The following CDKAL1 variants were observed in gnomAD, a reference collection of about 807,000 sequenced individuals.
CDKAL1 encodes the protein CDKAL1 threonylcarbamoyladenosine tRNA methylthiotransferase, also known as threonylcarbamoyladenosine tRNA methylthiotransferase.
In CDKAL1, 32 loss-of-function variants were observed where a neutral mutation model predicts 68.2. That is an observed-to-expected ratio of 0.47 (90% confidence interval 0.35 to 0.63). The LOEUF is 0.63. CDKAL1 is among the 30% of genes least tolerant of loss of function. CDKAL1 has a pLI of 0.00. For missense variants in CDKAL1, 606 were observed against 696.7 expected (o/e 0.87, Z 1.47); for synonymous variants, 234 against 244.3 (o/e 0.96, Z 0.39).
chr6:21,136,265 T>A (rs961495036), intron 13 of CDKAL1, among the ~76,000 whole-genome samples: 14 of 152,228 alleles, frequency 9.2e-5, no homozygotes, highest in Admixed American at 1.3e-4. Flanking sequence ...AGTCTTTATA[T>A]ACAGTTTTTT....
intron 5 of CDKAL1, among the ~76,000 whole-genome samples, chr6:20,655,145 C>T (rs1768964868): frequency 6.6e-6 from 1 of 152,144 alleles, no homozygotes; most frequent in South Asian, 2.1e-4. Flanking sequence ...AGAAAATAAA[C>T]TTATTCTTTC....
intron 5 of CDKAL1, among the ~76,000 whole-genome samples, chr6:20,686,696 G>A (rs1770643882): frequency 6.6e-6 from 1 of 152,118 alleles, no homozygotes; most frequent in Non-Finnish European, 1.5e-5. Flanking sequence ...AAACGGTTGG[G>A]GGCCACTGAA....
At chr6:21,096,969 ACTT>A (rs769711226) in intron 12 of CDKAL1, among the ~76,000 whole-genome samples, 1 of 152,176 alleles carries the variant, frequency 6.6e-6, no homozygotes, top group Non-Finnish European at 1.5e-5. Context: ...AATAACTGAA[ACTT>A]CTTCATGCAT....
At chr6:21,095,623 G>T (rs983467616) in intron 12 of CDKAL1, among the ~76,000 whole-genome samples, 13 of 150,198 alleles carry the variant, frequency 8.7e-5, no homozygotes, top group African/African-American at 2.7e-4. Flanking sequence ...CCTGCCGAAG[G>T]CTTGACAGTG....
intron 11 of CDKAL1, among the ~76,000 whole-genome samples, chr6:21,028,460 G>A (rs1002298701): frequency 1.3e-5 from 2 of 152,120 alleles, no homozygotes; most frequent in African/African-American, 4.8e-5. Context: ...TTCTGTTTCT[G>A]GTCAGGTCTC....
chr6:20,788,817 TG>T (rs1256078303), intron 8 of CDKAL1, among the ~76,000 whole-genome samples: 1 of 152,222 alleles, frequency 6.6e-6, no homozygotes, highest in African/African-American at 2.4e-5. Context: ...GACTTTATGC[TG>T]TTCAATGTTG....
At chr6:21,135,849 A>G (rs1021855770) in intron 13 of CDKAL1, 10 of 192,890 alleles carry the variant, frequency 5.2e-5, no homozygotes, top group Non-Finnish European at 9.5e-5. Flanking sequence ...GAACAGATGG[A>G]TAAGTTAGAG....
intron 7 of CDKAL1, 38 bp from the exon 8 acceptor site, chr6:20,781,107 A>G (rs373608142): frequency 3.1e-6 from 5 of 1,597,664 alleles, no homozygotes; most frequent in Middle Eastern, 1.7e-4. Flanking sequence ...TGAAGTGTGT[A>G]ACTCTTGCTA....
intron 13 of CDKAL1, among the ~76,000 whole-genome samples, chr6:21,110,785 T>C (rs1430597560): frequency 3.3e-5 from 5 of 152,038 alleles, no homozygotes; most frequent in African/African-American, 9.7e-5. Context: ...ATTGTGAAAC[T>C]CTGTCTCTAT....
chr6:20,772,939 A>G (rs1581550834), intron 7 of CDKAL1: 2 of 152,252 alleles, frequency 1.3e-5, no homozygotes, highest in East Asian at 1.9e-4. Flanking sequence ...TGGGCTCTCT[A>G]CTTATACTCT....
chr6:20,943,420 G>T (rs1224699189), intron 9 of CDKAL1, among the ~76,000 whole-genome samples: 1 of 151,494 alleles, frequency 6.6e-6, no homozygotes, highest in Non-Finnish European at 1.5e-5. Flanking sequence ...TCTGATGAAG[G>T]TTTATTGAAT....
At chr6:20,653,485 C>T (rs1296169676) in intron 5 of CDKAL1, among the ~76,000 whole-genome samples, 2 of 152,116 alleles carry the variant, frequency 1.3e-5, no homozygotes, top group African/African-American at 2.4e-5. Context: ...AGGCTCTCAC[C>T]CTGTCGCCCA....
Position 20,605,236 on chromosome 6 carries a change from C to A in CDKAL1, c.287-44057C>A, listed in dbSNP as rs112585977. On this transcript the variant is annotated intron_variant, in intron 4 of 15. Coordinates refer to ENST00000274695, the MANE Select transcript of CDKAL1 (RefSeq NM_017774.3). ...GAAAATAATACCAGCCAAAAAAGGG[C>A]AGGATGATTAATGGCTCAAATATTT... Among the ~76,000 whole-genome samples the A allele has an allele frequency of 8.5e-4, 129 of 152,260 alleles. 3 individuals carry two copies. Among genetic ancestry groups the A allele is most frequent in the African/African-American group, 2.9e-3 (121 of 41,552 alleles).
intron 4 of CDKAL1, among the ~76,000 whole-genome samples, chr6:20,614,752 G>A (rs886859793): frequency 3.3e-5 from 5 of 152,064 alleles, no homozygotes; most frequent in Admixed American, 6.6e-5. Flanking sequence ...TAAAAATATG[G>A]ACTTTCAAAA....
chr6:20,907,349 G>A (rs560819963), intron 9 of CDKAL1, among the ~76,000 whole-genome samples: 1 of 152,310 alleles, frequency 6.6e-6, no homozygotes, highest in East Asian at 1.9e-4. Flanking sequence ...TTGAGCCCAG[G>A]AGGTAGAGGC....
intron 8 of CDKAL1, among the ~76,000 whole-genome samples, chr6:20,806,436 A>G (rs952089391): frequency 6.6e-5 from 10 of 152,194 alleles, no homozygotes; most frequent in Admixed American, 4.6e-4. Flanking sequence ...TGCTGCGCTG[A>G]ACATACATGT....
chr6:21,093,631 G>GGAAGA (rs1412591104), intron 12 of CDKAL1, among the ~76,000 whole-genome samples: 1 of 149,858 alleles, frequency 6.7e-6, no homozygotes, highest in Non-Finnish European at 1.5e-5. Flanking sequence ...TTAGATAAGT[G>GGAAGA]GAAGAGAACT....
At chr6:20,781,905 C>T (rs972673733) in intron 8 of CDKAL1, among the ~76,000 whole-genome samples, 1 of 152,182 alleles carries the variant, frequency 6.6e-6, no homozygotes, top group African/African-American at 2.4e-5. Context: ...TGAAGGGCTT[C>T]TGTTTCTTAA....
At chr6:20,719,863 T>G (rs1772262888) in intron 5 of CDKAL1, among the ~76,000 whole-genome samples, 1 of 152,220 alleles carries the variant, frequency 6.6e-6, no homozygotes. Flanking sequence ...TTATGTTTCC[T>G]TATGGCTTTT....
Sources: allele counts gnomAD v4.1 joint callset (sites outside exome capture counted in the v4.1 genomes callset), GRCh38; gene constraint gnomAD v4.1.1; transcripts MANE v1.5; gene names NCBI Gene and HGNC (gene_info 2026-07-23, HGNC 2026-07-21).